Variants in JHY observed in about 807,000 individuals in gnomAD.
The protein encoded by JHY is junctional cadherin complex regulator.
Under a neutral mutation model 78.0 loss-of-function variants are expected in JHY, and 69 were observed. The ratio of observed to expected loss-of-function variants is 0.88; its 90% confidence interval spans 0.73 to 1.08. The LOEUF is 1.08. Ranked by LOEUF, JHY falls within the 50% of genes least tolerant of loss-of-function variation. The pLI is 0.00. For synonymous variants in JHY, 368 were observed against 342.6 expected (o/e 1.07, Z -0.82); for missense variants, 944 against 927.8 (o/e 1.02, Z -0.23).
chr11:122,948,605 T>C (rs1864017117), intron 6 of JHY, among the ~76,000 whole-genome samples: 1 of 151,680 alleles, frequency 6.6e-6, no homozygotes, highest in African/African-American at 2.4e-5. Flanking sequence ...TGTTGCAGTA[T>C]AATGTTGCAA....
intron 2 of JHY, among the ~76,000 whole-genome samples, chr11:122,891,450 A>C (rs1350612659): frequency 6.6e-5 from 10 of 152,098 alleles, no homozygotes; most frequent in Non-Finnish European, 1.2e-4. Context: ...GATAATCCTT[A>C]AACCCCACTC....
At chr11:122,946,211 T>C (rs1847237998) in intron 5 of JHY, among the ~76,000 whole-genome samples, 1 of 152,232 alleles carries the variant, frequency 6.6e-6, no homozygotes, top group Non-Finnish European at 1.5e-5. Context: ...CATTTCTAGG[T>C]ATTTTGCAGT....
intron 4 of JHY, among the ~76,000 whole-genome samples, chr11:122,932,255 A>G (rs992489723): frequency 3.9e-5 from 6 of 152,216 alleles, no homozygotes; most frequent in African/African-American, 1.4e-4. Flanking sequence ...TATCAAGCCC[A>G]TAAATGGCTT....
At chr11:122,938,985 T>G (rs910047136) in intron 5 of JHY, among the ~76,000 whole-genome samples, 15 of 149,394 alleles carry the variant, frequency 1.0e-4, no homozygotes, top group South Asian at 4.3e-4. Context: ...GCCTGCTTCT[T>G]CTTTTTTTTT....
At chr11:122,894,529 T>C (rs927101211) in intron 2 of JHY, among the ~76,000 whole-genome samples, 5 of 152,226 alleles carry the variant, frequency 3.3e-5, no homozygotes, top group Non-Finnish European at 5.9e-5. Context: ...AGAGGAATTA[T>C]GTTTCTAAAT....
chr11:122,905,487 T>G, intron 3 of JHY: 2 of 1,224,664 alleles, frequency 1.6e-6, no homozygotes, highest in Non-Finnish European at 2.0e-6. Context: ...TAACCTGTTC[T>G]AACCTCTAAG....
At chr11:122,931,038 T>C (rs1434573569) in intron 4 of JHY, among the ~76,000 whole-genome samples, 3 of 152,150 alleles carry the variant, frequency 2.0e-5, no homozygotes, top group African/African-American at 7.2e-5. Context: ...ATGAGCTTCC[T>C]TGAGCCTATT....
chr11:122,896,152 C>G (rs1245402595), intron 2 of JHY, among the ~76,000 whole-genome samples: 1 of 151,976 alleles, frequency 6.6e-6, no homozygotes, highest in Non-Finnish European at 1.5e-5. Flanking sequence ...CTCATTTAGT[C>G]TGGCGTGTTT....
At position 122,895,091 on chromosome 11, in the gene JHY, G is replaced by A. The variant is rs541237076; in HGVS notation, c.345-8834G>A. Among the ~76,000 whole-genome samples, 4 of 152,286 alleles carry A rather than the reference G, an allele frequency of 2.6e-5. No homozygotes were observed. The East Asian group carries it at 5.8e-4, about 22-fold the overall frequency. ...AAGCTATTGATAAGAAGATTAAGGT[G>A]AGCATAGAATTCAGAAATCCTTGGA... is the stretch of plus-strand genomic sequence containing the variant. On this transcript the variant is annotated intron_variant, in intron 2 of 8. Transcript: ENST00000227349.
rs1436974898 is a variant in JHY at position 122,883,095 on chromosome 11, G to C, written c.-90+123G>C. 1 of 152,536 alleles carries C rather than the reference G, an allele frequency of 6.6e-6. No homozygotes were observed. Among genetic ancestry groups the C allele is most frequent in the Non-Finnish European group, 1.5e-5 (1 of 68,280 alleles). 9.4% of individuals were successfully genotyped at this position (152,536 alleles called of 1,614,324 possible). A position where few individuals can be genotyped will look rare whatever the true frequency, so the allele number is the denominator to read the frequency against. On this transcript the variant is annotated intron_variant, in intron 1 of 8. Transcript: ENST00000227349. This position sits in a 1 kb window ranked among gnomAD's most constrained non-coding sequence, Gnocchi z 4.4. Reference sequence around the variant, plus strand: ...AAGCAAGCTGGGGAGGAGCCGGCGCGGGAGCCTTCGGGACGGAGTGGGGAG... The same window carrying C: ...AAGCAAGCTGGGGAGGAGCCGGCGCCGGAGCCTTCGGGACGGAGTGGGGAG...
At chr11:122,899,049 C>T (rs1424072129) in intron 2 of JHY, among the ~76,000 whole-genome samples, 1 of 152,196 alleles carries the variant, frequency 6.6e-6, no homozygotes, top group Non-Finnish European at 1.5e-5. Context: ...CCCTGACCTC[C>T]CAAGATAGGA....
In JHY at chr11:122,938,445, G is replaced by A. The variant is rs186632567; in HGVS notation, c.1634+3370G>A. ...TGTTATTGGTTTCTGAATGCTCCTC[G>A]TTTTATAGCCTCATGTTTTTGTTCA... On this transcript the variant is annotated intron_variant, in intron 5 of 8. Transcript: ENST00000227349. 1.5e-3 allele frequency among the ~76,000 whole-genome samples: 234 copies of A among 152,038 alleles called. 1 individual carries two copies. Among genetic ancestry groups the A allele is most frequent in the African/African-American group, 5.4e-3 (222 of 41,446 alleles).
chr11:122,883,368 T>A lies in JHY; in HGVS notation c.-90+396T>A, dbSNP rs900644381. Among the ~76,000 whole-genome samples the A allele has an allele frequency of 2.0e-5, 3 of 152,112 alleles. No homozygotes were observed. The highest frequency in any genetic ancestry group is 4.8e-5 in the African/African-American group (2 of 41,430). ...CGGCCTGTTTCAAACCAGGGTTCGT[T>A]CCTTTTTCTTTACGATTCATCTTGG... On this transcript the variant is annotated intron_variant, in intron 1 of 8. Coordinates refer to ENST00000227349, the MANE Select transcript of JHY (RefSeq NM_024806.4). This position sits in a 1 kb window ranked among gnomAD's most constrained non-coding sequence, Gnocchi z 4.4.
chr11:122,905,342 T>C (rs963453868), intron 3 of JHY: 12 of 1,547,178 alleles, frequency 7.8e-6, no homozygotes, highest in Non-Finnish European at 9.6e-6. Flanking sequence ...CCACCACTCT[T>C]ACTGGAAAGA....
intron 5 of JHY, among the ~76,000 whole-genome samples, chr11:122,940,291 T>TGG (rs879495904): frequency 0.031 from 4,766 of 152,150 alleles, 113 homozygotes; most frequent in East Asian, 0.11. Flanking sequence ...TGAGCTGAGA[T>TGG]CCTGCCACTG....
chr11:122,953,095 T>C (rs1864124551), intron 6 of JHY, among the ~76,000 whole-genome samples: 1 of 152,188 alleles, frequency 6.6e-6, no homozygotes, highest in Admixed American at 6.5e-5. Context: ...TTTATTTCAA[T>C]AATTCTATGG....
chr11:122,935,214 C>T lies in JHY; in HGVS notation c.1634+139C>T. 1.4e-6 allele frequency: 1 copy of T among 692,106 alleles called. No homozygotes were observed. The highest frequency in any genetic ancestry group is 2.8e-5 in the East Asian group (1 of 35,138). 42.9% of individuals were successfully genotyped at this position (692,106 alleles called of 1,614,324 possible). The stretch of plus-strand genomic sequence containing the variant: ...AGAGTTCACCTAACAACTTCCTTAG[C>T]TCTGATTCCTGCCTCAAAGAGTCCA... On this transcript the variant is annotated intron_variant, in intron 5 of 8. Coordinates refer to ENST00000227349, the MANE Select transcript of JHY (RefSeq NM_024806.4). This position sits in a 1 kb window ranked among gnomAD's most constrained non-coding sequence, Gnocchi z 4.5.
chr11:122,947,987 G>C (rs1276347721), intron 6 of JHY, among the ~76,000 whole-genome samples: 1 of 152,146 alleles, frequency 6.6e-6, no homozygotes, highest in Non-Finnish European at 1.5e-5. Context: ...GCAGCTCCAC[G>C]TGGCTGAGGC....
chr11:122,963,493 G>A lies in JHY; in HGVS notation c.*4048G>A, dbSNP rs923705128. Among the ~76,000 whole-genome samples the A allele has an allele frequency of 5.3e-5, 8 of 152,238 alleles. No homozygotes were observed. The highest frequency in any genetic ancestry group is 2.1e-4 in the South Asian group (1 of 4,818). On this transcript the variant is annotated 3_prime_UTR_variant, in exon 9 of 9. Coordinates refer to ENST00000227349, the MANE Select transcript of JHY (RefSeq NM_024806.4). Reference sequence around the variant, plus strand: ...AAAGTGGCCCTTCATTTGGCTCCACGTCATCTCACAATAGTGAAATACAGC... The same window carrying A: ...AAAGTGGCCCTTCATTTGGCTCCACATCATCTCACAATAGTGAAATACAGC...
Sources: allele counts gnomAD v4.1 joint callset (sites outside exome capture counted in the v4.1 genomes callset), GRCh38; gene constraint gnomAD v4.1.1; non-coding constraint Gnocchi (gnomAD v3.1); transcripts MANE v1.5; gene names NCBI Gene and HGNC (gene_info 2026-07-23, HGNC 2026-07-21).